Variants in USP32 observed in about 807,000 individuals in gnomAD.
USP32 encodes ubiquitin carboxyl-terminal hydrolase 32.
USP32 carries 59 observed loss-of-function variants against 204.8 expected under a neutral mutation model. The ratio of observed to expected loss-of-function variants is 0.29; its 90% CI spans 0.23 to 0.36. The LOEUF (loss-of-function observed/expected upper bound fraction) is 0.36, where lower values mean the gene tolerates loss of function less well. Among genes scored for constraint, USP32 ranks in the 10% least tolerant of loss-of-function variants. The pLI, the probability that USP32 is intolerant of heterozygous loss-of-function variation, is 1.00. For missense variants in USP32, 1,160 were observed against 1,946.4 expected, an observed-to-expected ratio of 0.60 and a Z score of 7.60; for synonymous variants, 517 against 678.4, an observed-to-expected ratio of 0.76 and a Z score of 3.70.
intron 1 of USP32, among the ~76,000 whole-genome samples, chr17:60,368,700 C>T (rs1280307575): frequency 3.9e-5 from 6 of 152,084 alleles, no homozygotes; most frequent in Admixed American, 3.9e-4. Flanking sequence ...TTCTACTGCA[C>T]ATAGTAAGCA....
At chr17:60,243,239 A>G (rs548122299) in intron 11 of USP32, among the ~76,000 whole-genome samples, 3 of 152,290 alleles carry the variant, frequency 2.0e-5, no homozygotes, top group African/African-American at 7.2e-5. Context: ...AACTCATTTT[A>G]TTAATTCTAA....
At chr17:60,400,399 C>T (rs1348313063) in intron 1 of USP32, among the ~76,000 whole-genome samples, 2 of 152,064 alleles carry the variant, frequency 1.3e-5, no homozygotes, top group East Asian at 1.9e-4. Flanking sequence ...GAGGGTTAGG[C>T]GGTGAGAGGT....
At chr17:60,256,617 T>C in intron 9 of USP32, 1 of 940,302 alleles carries the variant, frequency 1.1e-6, no homozygotes, top group Non-Finnish European at 1.3e-6. Flanking sequence ...TCCTCCCACA[T>C]CCCAAAGACA....
intron 1 of USP32, among the ~76,000 whole-genome samples, chr17:60,363,484 C>A (rs538995536): frequency 1.6e-4 from 24 of 146,842 alleles, no homozygotes; most frequent in Non-Finnish European, 2.8e-4. Flanking sequence ...CGCCACTGCA[C>A]TCCAGCCTGG....
chr17:60,287,979 T>C (rs930748757), intron 5 of USP32, among the ~76,000 whole-genome samples: 7 of 150,914 alleles, frequency 4.6e-5, no homozygotes, highest in Non-Finnish European at 1.0e-4. Flanking sequence ...CCAGGCATGG[T>C]GGTGGGCGCC....
At chr17:60,188,491 T>TA (rs35953015) in intron 29 of USP32, among the ~76,000 whole-genome samples, 1 of 152,222 alleles carries the variant, frequency 6.6e-6, no homozygotes, top group African/African-American at 2.4e-5. Flanking sequence ...TCTTGTTTTT[T>TA]AAAAAATGTT....
At chr17:60,251,338 A>G (rs912038619) in intron 11 of USP32, among the ~76,000 whole-genome samples, 5 of 152,208 alleles carry the variant, frequency 3.3e-5, no homozygotes, top group Non-Finnish European at 5.9e-5. Flanking sequence ...CTTAGAAAAT[A>G]TATCTACTAC....
intron 19 of USP32, 81 bp from the exon 20 acceptor site, chr17:60,211,595 G>A: frequency 6.6e-7 from 1 of 1,504,788 alleles, no homozygotes; most frequent in Non-Finnish European, 8.8e-7. Context: ...TCAATGAAAA[G>A]GTTTTTTATA....
intron 1 of USP32, among the ~76,000 whole-genome samples, chr17:60,419,848 ATTATTATTATTATT>A (rs1442094200): frequency 4.6e-5 from 6 of 130,816 alleles, no homozygotes; most frequent in East Asian, 4.1e-4. Context: ...TATTATTATT[ATTATTATTATTATT>A]TTATTATTAT....
intron 2 of USP32, among the ~76,000 whole-genome samples, chr17:60,309,396 T>C (rs2087801683): frequency 1.3e-5 from 2 of 152,094 alleles, no homozygotes; most frequent in Admixed American, 6.5e-5. Flanking sequence ...GCTCAGGAGT[T>C]CGAGACCAGC....
At chr17:60,200,483 A>G (rs1036041616) in intron 26 of USP32, among the ~76,000 whole-genome samples, 3 of 151,324 alleles carry the variant, frequency 2.0e-5, no homozygotes, top group African/African-American at 2.4e-5. Flanking sequence ...TCACTTGAAC[A>G]CAGGAGGCGG....
At chr17:60,203,051 G>C (rs988696465) in intron 26 of USP32, among the ~76,000 whole-genome samples, 5 of 149,218 alleles carry the variant, frequency 3.4e-5, no homozygotes, top group Non-Finnish European at 5.9e-5. Context: ...AGAACCTTTG[G>C]AGGAAGCCCC....
rs548382012 is a variant in USP32, at chr17:60,411,273, G to A, written c.106+10973C>T. ...CAGGAGGTGGAGGTTGCGGTGAGCCGAGATTGCCCGATTGCACTCCAGCCT... is the reference window on the plus strand; with the variant it reads ...CAGGAGGTGGAGGTTGCGGTGAGCCAAGATTGCCCGATTGCACTCCAGCCT... On this transcript the variant is annotated intron_variant, in intron 1 of 3. Transcript: ENST00000588898. Among the ~76,000 whole-genome samples the A allele has an allele frequency of 1.9e-4, 29 of 151,714 alleles. No individual in the cohort carries two copies. The East Asian group carries it at 4.3e-3, about 22-fold the overall frequency.
intron 1 of USP32, among the ~76,000 whole-genome samples, chr17:60,388,471 T>C (rs1006914681): frequency 3.3e-5 from 5 of 152,186 alleles, no homozygotes; most frequent in Non-Finnish European, 7.4e-5. Flanking sequence ...CCGAACGGTT[T>C]TTGAATGCTG....
rs193284147 is a variant in USP32, at chr17:60,264,134, T to A, written c.990+1278A>T. On this transcript the variant is annotated intron_variant, in intron 9 of 33. Coordinates refer to ENST00000300896, the MANE Select transcript of USP32 (RefSeq NM_032582.4). Reference sequence around the variant, plus strand: ...ACTAAATAAGTCAAGGATTTTTTTTTAATTTATAAAGTACATGTTTATTTT... The same window carrying A: ...ACTAAATAAGTCAAGGATTTTTTTTAAATTTATAAAGTACATGTTTATTTT... 3.3e-3 allele frequency among the ~76,000 whole-genome samples: 498 copies of A among 152,284 alleles called. 1 individual carries two copies. The highest frequency in any genetic ancestry group is 0.011 in the African/African-American group (464 of 41,554).
chr17:60,335,095 C>T (rs1244547932), intron 2 of USP32, among the ~76,000 whole-genome samples: 1 of 142,638 alleles, frequency 7.0e-6, no homozygotes, highest in Non-Finnish European at 1.5e-5. Context: ...CCCATCTTAG[C>T]TTCCCAAGTA....
At position 60,351,585 on chromosome 17, in the gene USP32, G is replaced by A. The variant is rs563567857; in HGVS notation, c.59-5977C>T. 4.0e-5 allele frequency among the ~76,000 whole-genome samples: 6 copies of A among 149,372 alleles called. No homozygotes were observed. The South Asian group carries it at 1.2e-3, about 31-fold the overall frequency. On this transcript the variant is annotated intron_variant, in intron 1 of 33. Transcript: ENST00000300896. ...TGGGAGTACAGGCACGCACCACCGT[G>A]CCTGGCTAATTCTTGTATTTTTAGT... is the stretch of plus-strand genomic sequence containing the variant.
At chr17:60,206,525 GACTATCT>G (rs2084830151) in intron 25 of USP32, among the ~76,000 whole-genome samples, 1 of 147,590 alleles carries the variant, frequency 6.8e-6, no homozygotes. Flanking sequence ...TCACCGTCAG[GACTATCT>G]ACCTACTACA....
intron 3 of USP32, among the ~76,000 whole-genome samples, chr17:60,299,100 T>C (rs1345456524): frequency 1.3e-5 from 2 of 152,216 alleles, no homozygotes; most frequent in Admixed American, 6.5e-5. Flanking sequence ...TGTGCCACTA[T>C]ACTCTAGCCT....
Sources: allele counts gnomAD v4.1 joint callset (sites outside exome capture counted in the v4.1 genomes callset), GRCh38; gene constraint gnomAD v4.1.1; transcripts MANE v1.5; gene names NCBI Gene and HGNC (gene_info 2026-07-23, HGNC 2026-07-21).